The following DRC11 variants were observed in gnomAD, a reference collection of about 807,000 sequenced individuals.
The protein encoded by DRC11 is dynein regulatory complex subunit 11, also known as IQ and AAA domain-containing protein 1.
chr2:236,322,014 G>GA, the DRC11 span, among the ~76,000 whole-genome samples: 4 of 151,972 alleles, frequency 2.6e-5, no homozygotes, highest in Non-Finnish European at 1.5e-5. Flanking sequence ...AGATATACGG[G>GA]AACAGACACA....
At chr2:236,359,377 T>G in the DRC11 span, among the ~76,000 whole-genome samples, 58 of 152,322 alleles carry the variant, frequency 3.8e-4, no homozygotes, top group African/African-American at 1.3e-3. The surrounding 1 kb of genome is among the most constrained non-coding windows in gnomAD (Gnocchi z 4.3). Flanking sequence ...GATTTGAATT[T>G]ACAGTTGTGA....
At chr2:236,436,307 T>C in the DRC11 span, among the ~76,000 whole-genome samples, 2 of 152,208 alleles carry the variant, frequency 1.3e-5, no homozygotes, top group African/African-American at 2.4e-5. Flanking sequence ...AGTTATCATA[T>C]ACCTTGAACT....
chr2:236,498,390 G>A, the DRC11 span, among the ~76,000 whole-genome samples: 20 of 152,048 alleles, frequency 1.3e-4, no homozygotes, highest in African/African-American at 3.6e-4. Context: ...ACTTGAACCC[G>A]GGAGGTGGAG....
At chr2:236,462,102 C>T in the DRC11 span, among the ~76,000 whole-genome samples, 1 of 152,092 alleles carries the variant, frequency 6.6e-6, no homozygotes, top group Non-Finnish European at 1.5e-5. This position sits in a 1 kb window ranked among gnomAD's most constrained non-coding sequence, Gnocchi z 6.4. Flanking sequence ...CTGAGAACTT[C>T]GAGGCGGTGC....
the DRC11 span, chr2:236,392,412 G>T: frequency 1.1e-6 from 1 of 897,662 alleles, no homozygotes. This position sits in a 1 kb window ranked among gnomAD's most constrained non-coding sequence, Gnocchi z 5.1. Flanking sequence ...ATAGGTTAAT[G>T]AAATTTTAAA....
At chr2:236,486,031 G>T in the DRC11 span, among the ~76,000 whole-genome samples, 1 of 152,226 alleles carries the variant, frequency 6.6e-6, no homozygotes, top group Admixed American at 6.5e-5. This position sits in a 1 kb window ranked among gnomAD's most constrained non-coding sequence, Gnocchi z 5.7. Context: ...GTGATGGGAT[G>T]CCACTTCTGT....
the DRC11 span, among the ~76,000 whole-genome samples, chr2:236,491,138 T>TATATATATATATAC: frequency 3.8e-3 from 378 of 98,736 alleles, 35 homozygotes; most frequent in East Asian, 0.018. Flanking sequence ...TATATATATA[T>TATATATATATATAC]ACAGTATATA....
chr2:236,501,331 C>CA, the DRC11 span, among the ~76,000 whole-genome samples: 1 of 152,126 alleles, frequency 6.6e-6, no homozygotes, highest in African/African-American at 2.4e-5. Flanking sequence ...GGTGGGGACA[C>CA]AAATCTAAAC....
the DRC11 span, among the ~76,000 whole-genome samples, chr2:236,486,186 G>A: frequency 2.2e-4 from 34 of 152,330 alleles, 1 homozygote; most frequent in South Asian, 6.4e-3. This position sits in a 1 kb window ranked among gnomAD's most constrained non-coding sequence, Gnocchi z 5.7. Context: ...AGGATCTGAT[G>A]CCCTACAGGG....
the DRC11 span, chr2:236,399,535 G>C: frequency 4.4e-4 from 643 of 1,452,918 alleles, no homozygotes; most frequent in Non-Finnish European, 6.0e-4. The surrounding 1 kb of genome is among the most constrained non-coding windows in gnomAD (Gnocchi z 7.0). Context: ...AGACCGGGCA[G>C]CAAAAGACGC....
At chr2:236,497,779 T>C in the DRC11 span, among the ~76,000 whole-genome samples, 1 of 152,200 alleles carries the variant, frequency 6.6e-6, no homozygotes, top group African/African-American at 2.4e-5. This position sits in a 1 kb window ranked among gnomAD's most constrained non-coding sequence, Gnocchi z 5.1. Context: ...ATTATACCCA[T>C]TTAAAAGATG....
chr2:236,394,767 G>C, the DRC11 span, among the ~76,000 whole-genome samples: 1 of 152,172 alleles, frequency 6.6e-6, no homozygotes, highest in Non-Finnish European at 1.5e-5. The surrounding 1 kb of genome is among the most constrained non-coding windows in gnomAD (Gnocchi z 7.0). Flanking sequence ...GGATGGCTCA[G>C]CAGGTGTCTG....
At chr2:236,459,697 A>ATATATACG in the DRC11 span, among the ~76,000 whole-genome samples, 9 of 133,258 alleles carry the variant, frequency 6.8e-5, no homozygotes, top group Non-Finnish European at 1.2e-4. Context: ...ACATATATAC[A>ATATATACG]TATATACGTA....
chr2:236,348,382 G>C, the DRC11 span, among the ~76,000 whole-genome samples: 1 of 152,334 alleles, frequency 6.6e-6, no homozygotes, highest in Admixed American at 6.5e-5. The surrounding 1 kb of genome is among the most constrained non-coding windows in gnomAD (Gnocchi z 7.4). Flanking sequence ...CTCTGCTAGA[G>C]CAGCAAGGGC....
the DRC11 span, chr2:236,486,687 C>T: frequency 1.6e-6 from 1 of 644,394 alleles, no homozygotes; most frequent in South Asian, 2.0e-5. This position sits in a 1 kb window ranked among gnomAD's most constrained non-coding sequence, Gnocchi z 5.7. Flanking sequence ...GGGCAGGCTT[C>T]TGTACCATAT....
the DRC11 span, among the ~76,000 whole-genome samples, chr2:236,358,211 AAT>A: frequency 1.6e-5 from 2 of 128,274 alleles, no homozygotes; most frequent in African/African-American, 3.1e-5. Flanking sequence ...ATACTATATG[AAT>A]ATATTATATA....
the DRC11 span, chr2:236,392,373 A>G: frequency 7.7e-7 from 1 of 1,302,200 alleles, no homozygotes; most frequent in East Asian, 2.5e-5. This position sits in a 1 kb window ranked among gnomAD's most constrained non-coding sequence, Gnocchi z 5.1. Context: ...AGGGTAAAGA[A>G]AAAGAAAAAG....
chr2:236,450,506 G>T, the DRC11 span, among the ~76,000 whole-genome samples: 1 of 151,590 alleles, frequency 6.6e-6, no homozygotes, highest in East Asian at 1.9e-4. Flanking sequence ...TTTTAGTAGA[G>T]ACGGGGTTTT....
chr2:236,438,980 A>T, the DRC11 span, among the ~76,000 whole-genome samples: 17 of 149,120 alleles, frequency 1.1e-4, no homozygotes, highest in Non-Finnish European at 2.1e-4. Context: ...TGGGTACATA[A>T]CGAAATGAAG....
Sources: gnomAD v4.1 joint callset for allele counts (sites outside exome capture counted in the v4.1 genomes callset) on GRCh38, gnomAD v4.1.1 for gene constraint, Gnocchi (gnomAD v3.1) non-coding constraint, MANE v1.5 for transcripts, NCBI Gene and HGNC (gene_info 2026-07-23, HGNC 2026-07-21) for gene names.